The following COL4A4 variants were observed in gnomAD, a reference collection of about 807,000 sequenced individuals.
COL4A4 encodes collagen type IV alpha 4 chain.
A neutral mutation model predicts 192.9 loss-of-function variants in COL4A4; 105 were observed. That is an observed-to-expected ratio of 0.54 (90% CI 0.46 to 0.64). COL4A4 has a LOEUF of 0.64. Among genes scored for constraint, COL4A4 ranks in the 30% least tolerant of loss-of-function variants. COL4A4 has a pLI of 0.00. For synonymous variants in COL4A4, 762 were observed against 769.9 expected, an observed-to-expected ratio of 0.99 and a Z score of 0.17; for missense variants, 1,967 against 2,169.3, an observed-to-expected ratio of 0.91 and a Z score of 1.85.
In COL4A4 at chr2:227,005,045, C is replaced by T. The variant is rs1961794672; in HGVS notation, c.*2280G>A. 1 of 152,116 alleles carries T rather than the reference C, an allele frequency of 6.6e-6. No individual in the cohort carries two copies. The allele number at this position is 152,116 out of a possible 1,614,324, so 9.4% of individuals were successfully genotyped here. ...TCTATTCCAAGAAGTTATTTTTCCG[C>T]CCTTTTGATCCTTTAAAATACTTTT... On this transcript the variant is annotated 3_prime_UTR_variant, in exon 48 of 48. Coordinates refer to ENST00000396625, the MANE Select transcript of COL4A4 (RefSeq NM_000092.5).
chr2:227,084,803 T>C (rs532618702), intron 22 of COL4A4, among the ~76,000 whole-genome samples: 1 of 152,086 alleles, frequency 6.6e-6, no homozygotes, highest in Non-Finnish European at 1.5e-5. Context: ...CAAACACTTG[T>C]GTTACTCTAA....
At chr2:227,103,947 G>A (rs748636724) in intron 13 of COL4A4, 25 bp downstream of exon 13, 1 of 1,570,038 alleles carries the variant, frequency 6.4e-7, no homozygotes, top group Non-Finnish European at 8.8e-7. Flanking sequence ...TACTTTCCAA[G>A]GTGACATATG....
At position 227,119,890 on chromosome 2, in the gene COL4A4, CT is replaced by C; in HGVS notation, c.372+4del. The C allele has an allele frequency of 6.3e-7, 1 of 1,581,450 alleles. No homozygotes were observed. The highest frequency in any genetic ancestry group is 8.6e-7 in the Non-Finnish European group (1 of 1,162,418). On this transcript the variant is annotated splice_donor_region_variant and intron_variant, in intron 6 of 47. Transcript: ENST00000396625. ...AAAAAGTGGAGAAAATTTAGGGATA[CT>C]TACAGGTATGCCATCTAAACCTGGA...
the COL4A4 span, chr2:226,995,339 C>A: frequency 6.6e-6 from 5 of 763,136 alleles, no homozygotes; most frequent in South Asian, 1.6e-5. Flanking sequence ...AAGATGACAC[C>A]CAAGCTATCA....
chr2:227,038,462 T>C (rs1448948816), intron 37 of COL4A4, among the ~76,000 whole-genome samples: 1 of 152,214 alleles, frequency 6.6e-6, no homozygotes, highest in Non-Finnish European at 1.5e-5. Flanking sequence ...CTGTTATGGT[T>C]ACTGTAGCCT....
intron 41 of COL4A4, among the ~76,000 whole-genome samples, chr2:227,030,039 A>T (rs1042560422): frequency 2.0e-5 from 3 of 152,098 alleles, no homozygotes; most frequent in Admixed American, 2.0e-4. Flanking sequence ...AATCAGCTCA[A>T]TTATCTCATT....
intron 20 of COL4A4, among the ~76,000 whole-genome samples, chr2:227,090,245 A>G (rs2059841748): frequency 6.6e-6 from 1 of 152,166 alleles, no homozygotes; most frequent in Admixed American, 6.5e-5. Flanking sequence ...GATAATGGAC[A>G]ACAAAACAAA....
chr2:227,138,784 C>G (rs566249207), intron 4 of COL4A4, among the ~76,000 whole-genome samples: 29 of 152,268 alleles, frequency 1.9e-4, no homozygotes, highest in African/African-American at 6.7e-4. Context: ...AATAGGCCAA[C>G]AAAGGAACCC....
intron 22 of COL4A4, among the ~76,000 whole-genome samples, chr2:227,088,201 T>C (rs559989906): frequency 6.6e-6 from 1 of 152,332 alleles, no homozygotes; most frequent in Admixed American, 6.5e-5. Flanking sequence ...TATCACACAA[T>C]AAATTAGAAA....
chr2:227,115,331 C>T (rs146806698), intron 7 of COL4A4, among the ~76,000 whole-genome samples: 2,976 of 142,016 alleles, frequency 0.021, 97 homozygotes, highest in African/African-American at 0.074. Flanking sequence ...AGTGCAGTGG[C>T]GCGATCTCTG....
At chr2:227,118,789 C>A (rs778645137) in intron 6 of COL4A4, 28 bp from the exon 7 acceptor site, 6 of 1,498,710 alleles carry the variant, frequency 4.0e-6, no homozygotes, top group East Asian at 2.3e-5. Context: ...ATAAGTGAAG[C>A]ATTTTTGCGA....
intron 7 of COL4A4, among the ~76,000 whole-genome samples, chr2:227,118,431 G>A (rs2061602243): frequency 6.6e-6 from 1 of 152,100 alleles, no homozygotes; most frequent in Non-Finnish European, 1.5e-5. Context: ...TACCTAACAT[G>A]GATAAGAAAA....
At chr2:226,980,710 TG>T in the COL4A4 span, among the ~76,000 whole-genome samples, 1 of 152,332 alleles carries the variant, frequency 6.6e-6, no homozygotes, top group East Asian at 1.9e-4. Context: ...ATACTTCCAA[TG>T]AAGTTCAGAG....
rs972618625 is a variant in COL4A4 at position 227,127,463 on chromosome 2, G to C, written c.193-6315C>G. On this transcript the variant is annotated intron_variant, in intron 4 of 47. Transcript: ENST00000396625. ...CAGACACAGAACCGCCGGCCTCCCT[G>C]TCTTCTGAAGCCAGGGCATTCCTTT... Among the ~76,000 whole-genome samples, 2 of 152,218 alleles carry C rather than the reference G, an allele frequency of 1.3e-5. 1 individual carries two copies. The highest frequency in any genetic ancestry group is 2.9e-5 in the Non-Finnish European group (2 of 68,038).
the COL4A4 span, chr2:226,995,454 C>T: frequency 1.9e-6 from 3 of 1,612,636 alleles, no homozygotes; most frequent in African/African-American, 4.0e-5. Flanking sequence ...TAGCCCACCA[C>T]CCTACGGGTT....
intron 19 of COL4A4, among the ~76,000 whole-genome samples, chr2:227,098,322 G>A (rs753516173): frequency 2.0e-4 from 30 of 152,114 alleles, no homozygotes; most frequent in Non-Finnish European, 3.4e-4. Context: ...TTATCTGCAT[G>A]CGATAACTTT....
At chr2:227,106,125 G>T (rs1367813919) in intron 12 of COL4A4, among the ~76,000 whole-genome samples, 4 of 148,106 alleles carry the variant, frequency 2.7e-5, no homozygotes, top group East Asian at 2.0e-4. Flanking sequence ...TGTCTGTTTT[G>T]TTTTTTTTTC....
At chr2:227,027,296 CTT>C (rs1203183854) in intron 42 of COL4A4, among the ~76,000 whole-genome samples, 4 of 143,516 alleles carry the variant, frequency 2.8e-5, no homozygotes, top group Admixed American at 1.4e-4. Context: ...AAATGAACTC[CTT>C]TTTTTTTTTT....
intron 3 of COL4A4, among the ~76,000 whole-genome samples, chr2:227,140,910 CA>C (rs2063162620): frequency 1.3e-5 from 2 of 151,766 alleles, no homozygotes; most frequent in African/African-American, 4.8e-5. Context: ...CACACACACA[CA>C]CACACACACA....
Sources: allele counts gnomAD v4.1 joint callset (sites outside exome capture counted in the v4.1 genomes callset), GRCh38; gene constraint gnomAD v4.1.1; transcripts MANE v1.5; gene names NCBI Gene and HGNC (gene_info 2026-07-23, HGNC 2026-07-21).